FRMPD2: variants seen among roughly 807,000 people sequenced by gnomAD.
The protein encoded by FRMPD2 is FERM and PDZ domain containing 2, also known as FERM and PDZ domain-containing protein 2.
In FRMPD2, 96 loss-of-function variants were observed where a neutral mutation model predicts 140.1. The ratio of observed to expected loss-of-function variants is 0.69; its 90% CI spans 0.58 to 0.81. FRMPD2 has a LOEUF of 0.81. FRMPD2 is among the 40% of genes least tolerant of loss of function. The pLI, the probability that FRMPD2 is intolerant of heterozygous loss-of-function variation, is 0.00. For missense variants in FRMPD2, 1,240 were observed against 1,447.4 expected (o/e 0.86, Z 2.32); for synonymous variants, 449 against 547.6 (o/e 0.82, Z 2.52).
chr10:48,243,548 T>A (rs1459262904), intron 4 of FRMPD2, among the ~76,000 whole-genome samples: 1 of 152,018 alleles, frequency 6.6e-6, no homozygotes, highest in Non-Finnish European at 1.5e-5. Context: ...TGACACAGGG[T>A]CACACACTCA....
intron 10 of FRMPD2, among the ~76,000 whole-genome samples, chr10:48,223,789 C>G (rs922599686): frequency 6.6e-6 from 1 of 152,162 alleles, no homozygotes; most frequent in Non-Finnish European, 1.5e-5. Flanking sequence ...TAGATGAGAT[C>G]ATGAGTATGG....
intron 13 of FRMPD2, among the ~76,000 whole-genome samples, chr10:48,207,772 A>G (rs1167815813): frequency 6.6e-6 from 1 of 152,252 alleles, no homozygotes; most frequent in East Asian, 1.9e-4. Flanking sequence ...GAAGGGTTGT[A>G]TTGCTGAAAT....
At chr10:48,256,055 C>T (rs910349444) in intron 1 of FRMPD2, among the ~76,000 whole-genome samples, 3 of 152,204 alleles carry the variant, frequency 2.0e-5, no homozygotes, top group African/African-American at 7.2e-5. Context: ...CACTGCAAAG[C>T]CAGGGAGAAG....
chr10:48,180,526 A>AG (rs879959485), intron 21 of FRMPD2, among the ~76,000 whole-genome samples: 3 of 151,806 alleles, frequency 2.0e-5, no homozygotes, highest in Non-Finnish European at 4.4e-5. Context: ...AACAATTATA[A>AG]TTAGTGACTA....
chr10:48,182,446 T>C (rs940298011), intron 20 of FRMPD2, among the ~76,000 whole-genome samples: 4 of 152,258 alleles, frequency 2.6e-5, no homozygotes, highest in Non-Finnish European at 4.4e-5. Flanking sequence ...ATGCTCATGA[T>C]GGACATTTTA....
chr10:48,213,272 C>A (rs1459830255), intron 12 of FRMPD2, among the ~76,000 whole-genome samples: 4 of 152,216 alleles, frequency 2.6e-5, no homozygotes, highest in Non-Finnish European at 4.4e-5. Context: ...CAGGCTAGTG[C>A]ATAAAAAAGC....
In FRMPD2 at chr10:48,164,346, C is replaced by A. The variant is rs531686435; in HGVS notation, c.3538-675G>T. On this transcript the variant is annotated intron_variant, in intron 27 of 28. Transcript: ENST00000374201. ...CAGGTCCTTTGAAATCTCTTTTGAG[C>A]CAGTTTTAACATCTGCCTGGTTCCC... is the stretch of plus-strand genomic sequence containing the variant. Among the ~76,000 whole-genome samples, 42 of 151,400 alleles carry A rather than the reference C, an allele frequency of 2.8e-4. 1 individual carries two copies. The highest frequency in any genetic ancestry group is 5.6e-4 in the Non-Finnish European group (38 of 67,904).
intron 12 of FRMPD2, among the ~76,000 whole-genome samples, chr10:48,217,599 A>C (rs908755554): frequency 6.6e-6 from 1 of 152,256 alleles, no homozygotes; most frequent in African/African-American, 2.4e-5. Context: ...TGTGCATTGC[A>C]TATAGAAAGG....
intron 12 of FRMPD2, among the ~76,000 whole-genome samples, chr10:48,217,829 A>C (rs1355587101): frequency 6.6e-6 from 1 of 152,144 alleles, no homozygotes; most frequent in Admixed American, 6.5e-5. Flanking sequence ...CTCCCTCTCT[A>C]TCCCACATAC....
intron 2 of FRMPD2, among the ~76,000 whole-genome samples, chr10:48,250,592 G>C (rs1280065747): frequency 6.6e-6 from 1 of 151,966 alleles, no homozygotes; most frequent in Non-Finnish European, 1.5e-5. Flanking sequence ...ATTTTTAGTA[G>C]AAACAGGGTT....
intron 15 of FRMPD2, among the ~76,000 whole-genome samples, chr10:48,193,331 C>T (rs755173057): frequency 4.6e-5 from 7 of 152,206 alleles, no homozygotes; most frequent in Non-Finnish European, 7.4e-5. Context: ...CAAGATTAGG[C>T]TCTGCTCTGT....
rs1278385907 is a variant in FRMPD2 at position 48,206,911 on chromosome 10, T to C, written c.1634A>G (p.Tyr545Cys). ...FLRVTQQLPE[Y>C]GVLVHQVFSE... is the part of the protein sequence containing the mutation. ...GAATACTTGGTGAACCAGCACACCG[T>C]ATTCTGGGAGCTGCTGAGTGACCTG... The change falls in exon 14 of 29, where the codon TAC becomes TGC. Residue 545 changes from tyrosine (Y) to cysteine (C), a missense_variant. Physicochemically the swap from Tyr to Cys is radical, Grantham distance 194. Coordinates refer to ENST00000374201, the MANE Select transcript of FRMPD2 (RefSeq NM_001018071.4). The C allele has an allele frequency of 6.2e-7, 1 of 1,613,880 alleles. No homozygotes were observed. The highest frequency in any genetic ancestry group is 2.2e-5 in the East Asian group (1 of 44,854).
chr10:48,185,536 A>G lies in FRMPD2; in HGVS notation c.2359+17T>C, dbSNP rs2131838628. ...CAGCAGTAGAGACTGGGCCTCACCTACAGGGAGCCCTCTTACCAAAACCAC... is the reference window on the plus strand; with the variant it reads ...CAGCAGTAGAGACTGGGCCTCACCTGCAGGGAGCCCTCTTACCAAAACCAC... On this transcript the variant is annotated intron_variant, in intron 18 of 28. Coordinates refer to ENST00000374201, the MANE Select transcript of FRMPD2 (RefSeq NM_001018071.4). The G allele has an allele frequency of 6.3e-7, 1 of 1,594,342 alleles. No homozygotes were observed. The highest frequency in any genetic ancestry group is 8.6e-7 in the Non-Finnish European group (1 of 1,161,986).
chr10:48,229,934 C>T (rs984651354), intron 10 of FRMPD2, among the ~76,000 whole-genome samples: 5 of 152,092 alleles, frequency 3.3e-5, no homozygotes, highest in African/African-American at 1.2e-4. Flanking sequence ...ACTTCAAGAT[C>T]AAACCATTGG....
intron 3 of FRMPD2, among the ~76,000 whole-genome samples, chr10:48,245,300 T>C (rs967017658): frequency 6.6e-6 from 1 of 152,220 alleles, no homozygotes; most frequent in Non-Finnish European, 1.5e-5. Flanking sequence ...CTTGATGACA[T>C]GAAACGGCTG....
chr10:48,210,256 C>T (rs192576956), intron 13 of FRMPD2, among the ~76,000 whole-genome samples: 27 of 152,292 alleles, frequency 1.8e-4, no homozygotes, highest in African/African-American at 6.0e-4. Flanking sequence ...TTAACAACCC[C>T]AACCAGTTTA....
chr10:48,210,165 G>A (rs1401684639), intron 13 of FRMPD2, among the ~76,000 whole-genome samples: 1 of 152,114 alleles, frequency 6.6e-6, no homozygotes, highest in Admixed American at 6.5e-5. Flanking sequence ...ATCCTAATGA[G>A]AGGCTCCCAA....
intron 1 of FRMPD2, among the ~76,000 whole-genome samples, chr10:48,252,285 G>A (rs1180594617): frequency 6.6e-6 from 1 of 152,158 alleles, no homozygotes; most frequent in Admixed American, 6.5e-5. Flanking sequence ...GCTCAAGAGG[G>A]CTAGTCTTCT....
At position 48,192,666 on chromosome 10, in the gene FRMPD2, C is replaced by T; in HGVS notation, c.2165+18G>A. 1 of 1,609,378 alleles carries T rather than the reference C, an allele frequency of 6.2e-7. No individual in the cohort carries two copies. Among genetic ancestry groups the T allele is most frequent in the Non-Finnish European group, 8.5e-7 (1 of 1,176,140 alleles). On this transcript the variant is annotated intron_variant, in intron 16 of 28. Transcript: ENST00000374201. ...CACATGGTGGTTTGGGCCCAGAGAA[C>T]AAATGTGTCACACCCACCTGCGCCC...
Sources: gnomAD v4.1 joint callset for allele counts (sites outside exome capture counted in the v4.1 genomes callset) on GRCh38, gnomAD v4.1.1 for gene constraint, MANE v1.5 for transcripts, NCBI Gene and HGNC (gene_info 2026-07-23, HGNC 2026-07-21) for gene names.